Variants in MGA observed in about 807,000 individuals in gnomAD.
MGA encodes MAX dimerization protein MGA.
A neutral mutation model predicts 261.1 loss-of-function variants in MGA; 40 were observed. That is an observed-to-expected ratio of 0.15 (90% confidence interval 0.12 to 0.20). MGA has a LOEUF of 0.20. MGA is among the 10% of genes least tolerant of loss of function. MGA has a pLI of 1.00. For missense variants in MGA, 3,397 were observed against 3,630.5 expected, an observed-to-expected ratio of 0.94 and a Z score of 1.65; for synonymous variants, 1,302 against 1,290.6, an observed-to-expected ratio of 1.01 and a Z score of -0.19.
intron 1 of MGA, among the ~76,000 whole-genome samples, chr15:41,646,959 TC>T (rs1289274644): frequency 6.6e-6 from 1 of 152,196 alleles, no homozygotes; most frequent in African/African-American, 2.4e-5. Context: ...ATGTCTGAAA[TC>T]CATGAAGACT....
intron 22 of MGA, 48 bp from the exon 23 acceptor site, chr15:41,764,838 C>T (rs776155479): frequency 1.3e-6 from 2 of 1,588,382 alleles, no homozygotes; most frequent in Admixed American, 3.4e-5. Flanking sequence ...GCCACCACAC[C>T]CAGCTGAATG....
At chr15:41,718,517 G>T (rs994358697) in intron 9 of MGA, 10 of 523,084 alleles carry the variant, frequency 1.9e-5, no homozygotes, top group Non-Finnish European at 3.5e-5. Flanking sequence ...CTGTAGTCTT[G>T]TAGTTCTCTT....
rs536098547 is a variant in MGA at position 41,766,180 on chromosome 15, A to G, written c.8098A>G (p.Arg2700Gly). 5.2e-5 allele frequency: 84 copies of G among 1,614,016 alleles called. 2 individuals carry two copies. In the South Asian group the frequency reaches 8.5e-4, roughly 16 times the overall value. The change falls in exon 24 of 24, where the codon AGA (arginine) becomes GGA (glycine). Residue 2700 changes from arginine to glycine, a missense_variant. This residue lies in a region of MGA where 647 missense variants were observed against 642.4 expected (regional missense o/e 1.01). Coordinates refer to ENST00000219905, the MANE Select transcript of MGA (RefSeq NM_001164273.2). ...AGATAATTCCTTAGAGGATAAGGGT[A>G]GAATCTCTTCCAGAGGAAACAGAGA...
At chr15:41,705,075 C>T (rs1426734485) in intron 5 of MGA, among the ~76,000 whole-genome samples, 7 of 152,328 alleles carry the variant, frequency 4.6e-5, no homozygotes, top group Admixed American at 4.6e-4. Flanking sequence ...AATATGCTTT[C>T]TATGAATTAT....
At position 41,746,798 on chromosome 15, in the gene MGA, AT is replaced by A. The variant is rs894400326; in HGVS notation, c.5213-1830del. Reference sequence around the variant, plus strand: ...GTCTTTGTTTTGTTTCATTTGTTTGATTTTTTTTTCTCTTCAGTAGCAGACT... The same window carrying A: ...GTCTTTGTTTTGTTTCATTTGTTTGATTTTTTTTCTCTTCAGTAGCAGACT... On this transcript the variant is annotated intron_variant, in intron 15 of 23. Transcript: ENST00000219905. 6.7e-5 allele frequency among the ~76,000 whole-genome samples: 10 copies of A among 150,214 alleles called. No homozygotes were observed. In the South Asian group the frequency reaches 2.1e-3, roughly 32 times the overall value.
intron 1 of MGA, among the ~76,000 whole-genome samples, chr15:41,645,726 G>C (rs940412910): frequency 6.6e-6 from 1 of 152,218 alleles, no homozygotes; most frequent in African/African-American, 2.4e-5. Context: ...CTTGCACCAA[G>C]TTCTGGTGCA....
intron 1 of MGA, among the ~76,000 whole-genome samples, chr15:41,645,267 GC>G (rs1197788288): frequency 9.9e-4 from 151 of 152,314 alleles, no homozygotes; most frequent in African/African-American, 3.5e-3. Flanking sequence ...TTCTAATTGA[GC>G]CTGTTAGTCT....
At chr15:41,701,732 T>A (rs2059864928) in intron 5 of MGA, among the ~76,000 whole-genome samples, 1 of 152,126 alleles carries the variant, frequency 6.6e-6, no homozygotes, top group Non-Finnish European at 1.5e-5. Flanking sequence ...AGCTAATAGT[T>A]TTTTGGGCAC....
rs769366325 is a variant in MGA, at chr15:41,669,495, C to G, written c.601C>G (p.Leu201Val). 6.2e-7 allele frequency: 1 copy of G among 1,613,994 alleles called. No individual in the cohort carries two copies. The highest frequency in any genetic ancestry group is 8.5e-7 in the Non-Finnish European group (1 of 1,179,902). Residue 201 changes from leucine to valine, a missense_variant, in exon 2 of 24, where the codon CTG becomes GTG. Physicochemically the swap from Leu to Val is conservative, Grantham distance 32. Coordinates refer to ENST00000219905, the MANE Select transcript of MGA (RefSeq NM_001164273.2). ...CATCTTGCACTCTATGCATCGTTAC[C>G]TGCCGAGGCTTCATTTGGTGCCTGC... is the stretch of plus-strand genomic sequence containing the variant.
chr15:41,676,038 T>G (rs2058356826), intron 2 of MGA, among the ~76,000 whole-genome samples: 1 of 152,238 alleles, frequency 6.6e-6, no homozygotes, highest in South Asian at 2.1e-4. Context: ...GTGACATAGT[T>G]TTCAGATGTT....
intron 15 of MGA, among the ~76,000 whole-genome samples, chr15:41,745,513 T>C (rs796974152): frequency 6.6e-6 from 1 of 151,582 alleles, no homozygotes; most frequent in Non-Finnish European, 1.5e-5. Context: ...CATCAAAGAC[T>C]GTACATAAAA....
chr15:41,679,998 G>A (rs1174221813), intron 2 of MGA, among the ~76,000 whole-genome samples: 4 of 152,206 alleles, frequency 2.6e-5, no homozygotes, highest in African/African-American at 9.6e-5. Flanking sequence ...ATTGACCGTT[G>A]GGGTTACTCA....
intron 12 of MGA, 35 bp from the exon 13 acceptor site, chr15:41,736,146 T>G (rs547658022): frequency 7.0e-7 from 1 of 1,438,674 alleles, no homozygotes; most frequent in East Asian, 2.5e-5. Flanking sequence ...AAATAATCTT[T>G]CAACTTTTTC....
At chr15:41,658,367 C>G (rs1237009290), upstream of MGA, among the ~76,000 whole-genome samples, 1 of 151,998 alleles carries the variant, frequency 6.6e-6, no homozygotes. Context: ...TTACATTATC[C>G]AAAGTATACA....
intron 23 of MGA, 82 bp downstream of exon 23, chr15:41,765,144 T>C (rs2063733469): frequency 6.9e-7 from 1 of 1,444,838 alleles, no homozygotes; most frequent in Non-Finnish European, 9.7e-7. Context: ...GCTTTGGATG[T>C]GTTCTGTAAT....
At chr15:41,713,525 G>A (rs1361858526) in intron 9 of MGA, 29 bp downstream of exon 9, 1 of 1,493,186 alleles carries the variant, frequency 6.7e-7, no homozygotes, top group Admixed American at 2.4e-5. Flanking sequence ...TTAAAACTGT[G>A]CCATATCAGT....
At chr15:41,651,699 CT>C (rs1225870849) in intron 1 of MGA, among the ~76,000 whole-genome samples, 1 of 14,510 alleles carries the variant, frequency 6.9e-5, no homozygotes, top group Non-Finnish European at 1.8e-4. Context: ...TCTCTTACCC[CT>C]TCCCCTCTCT....
intron 2 of MGA, among the ~76,000 whole-genome samples, chr15:41,672,501 G>T (rs943831332): frequency 2.0e-5 from 3 of 152,124 alleles, no homozygotes; most frequent in Non-Finnish European, 2.9e-5. Flanking sequence ...ATTACATATG[G>T]TTAAGCCTTT....
At chr15:41,660,047 G>A (rs1164033649), upstream of MGA, among the ~76,000 whole-genome samples, 1 of 152,240 alleles carries the variant, frequency 6.6e-6, no homozygotes, top group Non-Finnish European at 1.5e-5. Flanking sequence ...CGCGGCCGGG[G>A]CGGAGCCGGC....
Sources: allele counts gnomAD v4.1 joint callset (sites outside exome capture counted in the v4.1 genomes callset), GRCh38; gene constraint gnomAD v4.1.1; regional missense constraint gnomAD v4.1.1; transcripts MANE v1.5; gene names NCBI Gene and HGNC (gene_info 2026-07-23, HGNC 2026-07-21).